Variants in RLF observed in about 807,000 individuals in gnomAD.
RLF encodes zinc finger protein Rlf.
RLF carries 7 observed loss-of-function variants against 162.9 expected under a neutral mutation model. That is an observed-to-expected ratio of 0.04 (90% CI 0.02 to 0.08). The LOEUF is 0.08. Ranked by LOEUF, RLF falls within the 10% of genes least tolerant of loss-of-function variation. RLF has a pLI of 1.00. For synonymous variants in RLF, 782 were observed against 791.5 expected, an observed-to-expected ratio of 0.99 and a Z score of 0.20; for missense variants, 1,664 against 2,244.7, an observed-to-expected ratio of 0.74 and a Z score of 5.23.
At position 40,161,775 on chromosome 1, in the gene RLF, C is replaced by A; in HGVS notation, c.237+139C>A. 1 of 1,273,084 alleles carries A rather than the reference C, an allele frequency of 7.9e-7. No individual in the cohort carries two copies. The highest frequency in any genetic ancestry group is 1.1e-6 in the Non-Finnish European group (1 of 944,206). The allele number at this position is 1,273,084 out of a possible 1,614,324, so 78.9% of individuals were successfully genotyped here. A position where few individuals can be genotyped will look rare whatever the true frequency, so the allele number is the denominator to read the frequency against. On this transcript the variant is annotated intron_variant, in intron 1 of 7. Coordinates refer to ENST00000372771, the MANE Select transcript of RLF (RefSeq NM_012421.4). This position sits in a 1 kb window ranked among gnomAD's most constrained non-coding sequence, Gnocchi z 4.4. ...GCCGCGCCCCCGGGCCGGGAAGGCC[C>A]AGCTCGGAAGCTCGACCGCTGGCCC...
chr1:40,204,739 C>T (rs1027601269), intron 5 of RLF, among the ~76,000 whole-genome samples: 1 of 151,966 alleles, frequency 6.6e-6, no homozygotes, highest in African/African-American at 2.4e-5. Context: ...ATTTCTTTAG[C>T]CCATTCATTC....
At position 40,211,229 on chromosome 1, in the gene RLF, T is replaced by A. The variant is rs181313521; in HGVS notation, c.810+8615T>A. 6.2e-4 allele frequency among the ~76,000 whole-genome samples: 95 copies of A among 152,312 alleles called. No individual in the cohort carries two copies. In the East Asian group the frequency reaches 0.013, roughly 20 times the overall value. ...TCCAGTCTATTTCAGTGGTTTAATA[T>A]CGGTTGGTCTAACCCTCCGTGTTCT... On this transcript the variant is annotated intron_variant, in intron 5 of 7. Coordinates refer to ENST00000372771, the MANE Select transcript of RLF (RefSeq NM_012421.4).
intron 7 of RLF, among the ~76,000 whole-genome samples, chr1:40,235,084 G>T (rs192502723): frequency 4.1e-5 from 5 of 121,118 alleles, no homozygotes; most frequent in Non-Finnish European, 8.4e-5. Flanking sequence ...TTTTTGAGAC[G>T]GAGTTTTGCT....
At chr1:40,188,159 T>C (rs1026771028) in intron 1 of RLF, among the ~76,000 whole-genome samples, 2 of 152,158 alleles carry the variant, frequency 1.3e-5, no homozygotes, top group Non-Finnish European at 2.9e-5. Flanking sequence ...AAGATATATA[T>C]GAACAAGAGA....
chr1:40,195,497 A>T, intron 3 of RLF, 135 bp from the exon 4 acceptor site: 1 of 636,394 alleles, frequency 1.6e-6, no homozygotes, highest in Non-Finnish European at 2.6e-6. Flanking sequence ...CTTTGAGTAT[A>T]GTCTTTTTTG....
intron 6 of RLF, among the ~76,000 whole-genome samples, chr1:40,230,786 A>G (rs1474590138): frequency 2.0e-5 from 3 of 152,146 alleles, no homozygotes; most frequent in Non-Finnish European, 2.9e-5. Flanking sequence ...TAGTTTCACT[A>G]TTAGCTTTCC....
chr1:40,206,233 T>C (rs1642790851), intron 5 of RLF, among the ~76,000 whole-genome samples: 1 of 152,230 alleles, frequency 6.6e-6, no homozygotes, highest in South Asian at 2.1e-4. Context: ...ATGCTTTATA[T>C]ACTTTGCTAC....
chr1:40,222,278 A>G (rs540911744), intron 5 of RLF, among the ~76,000 whole-genome samples: 2 of 152,338 alleles, frequency 1.3e-5, no homozygotes, highest in South Asian at 4.1e-4. Flanking sequence ...TCAGGTAAAA[A>G]TAACCTGAGA....
chr1:40,219,210 TA>T (rs1642961865), intron 5 of RLF, among the ~76,000 whole-genome samples: 1 of 152,200 alleles, frequency 6.6e-6, no homozygotes, highest in African/African-American at 2.4e-5. Context: ...TTAAGTTATT[TA>T]TTTACTTTTA....
chr1:40,170,381 G>A (rs927871340), intron 1 of RLF, among the ~76,000 whole-genome samples: 1 of 152,076 alleles, frequency 6.6e-6, no homozygotes, highest in Non-Finnish European at 1.5e-5. Flanking sequence ...TCCCAACCCA[G>A]CCTCTCTAGT....
At chr1:40,231,891 G>A (rs1319481986) in intron 7 of RLF, among the ~76,000 whole-genome samples, 2 of 152,182 alleles carry the variant, frequency 1.3e-5, no homozygotes, top group Non-Finnish European at 2.9e-5. Flanking sequence ...TGTGAATGAA[G>A]TTGTGTCTCC....
At chr1:40,217,647 C>T (rs1642942146) in intron 5 of RLF, among the ~76,000 whole-genome samples, 1 of 152,016 alleles carries the variant, frequency 6.6e-6, no homozygotes, top group Non-Finnish European at 1.5e-5. Context: ...GAGCGTACGC[C>T]TGTAGTCTCA....
chr1:40,171,295 C>T (rs1351682076), intron 1 of RLF, among the ~76,000 whole-genome samples: 1 of 152,180 alleles, frequency 6.6e-6, no homozygotes, highest in Non-Finnish European at 1.5e-5. Flanking sequence ...TCCCAAGGCA[C>T]TGGGATTAGA....
chr1:40,230,594 A>G (rs2124559190), intron 6 of RLF, among the ~76,000 whole-genome samples: 1 of 152,080 alleles, frequency 6.6e-6, no homozygotes, highest in Admixed American at 6.5e-5. Flanking sequence ...CACCACACTC[A>G]GCTAAGTTTT....
chr1:40,230,095 C>G (rs952952069), intron 6 of RLF, among the ~76,000 whole-genome samples: 1 of 144,494 alleles, frequency 6.9e-6, no homozygotes, highest in African/African-American at 2.6e-5. Flanking sequence ...GCCTGGGCAA[C>G]AAGAGCAAAG....
chr1:40,237,053 A>G lies in RLF; in HGVS notation c.2351A>G (p.Asp784Gly). Residue 784 changes from aspartate (D) to glycine (G), a missense_variant, in exon 8 of 8, where the codon GAC (aspartate) becomes GGC (glycine). Around this residue, in one of 15 missense-constraint regions of RLF, gnomAD observed 69 missense variants for 206.4 expected, o/e 0.33. Coordinates refer to ENST00000372771, the MANE Select transcript of RLF (RefSeq NM_012421.4). This position sits in a 1 kb window ranked among gnomAD's most constrained non-coding sequence, Gnocchi z 4.4. Reference sequence around the variant, plus strand: ...AATGGCTGTAATATTGTTTTCAGTGACTTGGGACAGCTTTACCACCATGAA... The same window carrying G: ...AATGGCTGTAATATTGTTTTCAGTGGCTTGGGACAGCTTTACCACCATGAA... The part of the protein sequence containing the change: ...ELNGCNIVFS[D>G]LGQLYHHEAQ... 1 of 1,614,164 alleles carries G rather than the reference A, an allele frequency of 6.2e-7. No homozygotes were observed. Among genetic ancestry groups the G allele is most frequent in the Non-Finnish European group, 8.5e-7 (1 of 1,180,000 alleles).
chr1:40,179,991 T>C (rs1416116735), intron 1 of RLF, among the ~76,000 whole-genome samples: 1 of 152,242 alleles, frequency 6.6e-6, no homozygotes, highest in Non-Finnish European at 1.5e-5. Flanking sequence ...CATCTGTTCA[T>C]GAACACTTGG....
intron 1 of RLF, among the ~76,000 whole-genome samples, chr1:40,179,279 G>T (rs1017264699): frequency 6.6e-6 from 1 of 152,188 alleles, no homozygotes; most frequent in Non-Finnish European, 1.5e-5. Context: ...TAGCCAGAAT[G>T]CCTGTTATTT....
At chr1:40,187,217 G>C (rs992694269) in intron 1 of RLF, among the ~76,000 whole-genome samples, 3 of 152,088 alleles carry the variant, frequency 2.0e-5, no homozygotes, top group East Asian at 1.9e-4. Flanking sequence ...TATTTTTAGA[G>C]ACGGGGTTTC....
Sources: gnomAD v4.1 joint callset for allele counts (sites outside exome capture counted in the v4.1 genomes callset) on GRCh38, gnomAD v4.1.1 for gene constraint, gnomAD v4.1.1 regional missense constraint, Gnocchi (gnomAD v3.1) non-coding constraint, MANE v1.5 for transcripts, NCBI Gene and HGNC (gene_info 2026-07-23, HGNC 2026-07-21) for gene names.